The following ANKRD36C variants were observed in gnomAD, a reference collection of about 807,000 sequenced individuals.
ANKRD36C encodes the protein ankyrin repeat domain-containing protein 36C.
In ANKRD36C, 61 loss-of-function variants were observed where a neutral mutation model predicts 276.4. The observed-to-expected ratio is 0.22, with a 90% CI of 0.18 to 0.27. The LOEUF (loss-of-function observed/expected upper bound fraction) is 0.27. Ranked by LOEUF, ANKRD36C falls within the 10% of genes least tolerant of loss-of-function variation. ANKRD36C has a pLI of 1.00. For synonymous variants in ANKRD36C, 483 were observed against 680.1 expected (o/e 0.71, Z 4.51); for missense variants, 1,447 against 2,032.3 (o/e 0.71, Z 5.54).
chr2:95,927,416 A>G lies in ANKRD36C; in HGVS notation c.1838-7T>C. On this transcript the variant is annotated splice_polypyrimidine_tract_variant and splice_region_variant and intron_variant, in intron 26 of 66. Transcript: ENST00000456556. Reference sequence around the variant, plus strand: ...GGTTGTTTCTGAGAAGACACTGAAAAGCAAAAGGGATACATAATCACTCAC... The same window carrying G: ...GGTTGTTTCTGAGAAGACACTGAAAGGCAAAAGGGATACATAATCACTCAC... 1.2e-6 allele frequency: 2 copies of G among 1,606,042 alleles called. No homozygotes were observed. Among genetic ancestry groups the G allele is most frequent in the Non-Finnish European group, 1.7e-6 (2 of 1,177,630 alleles).
intron 42 of ANKRD36C, among the ~76,000 whole-genome samples, chr2:95,911,047 GTTGAACTTAC>G (rs1172611208): frequency 6.6e-6 from 1 of 151,480 alleles, no homozygotes; most frequent in Non-Finnish European, 1.5e-5. Context: ...CGATACTTCA[GTTGAACTTAC>G]ACTTCACATC....
At chr2:95,891,017 A>C (rs1390362733) in intron 46 of ANKRD36C, among the ~76,000 whole-genome samples, 1 of 151,490 alleles carries the variant, frequency 6.6e-6, no homozygotes, top group African/African-American at 2.4e-5. Context: ...AAGAGGAGTA[A>C]TGAGTCAGTG....
intron 24 of ANKRD36C, among the ~76,000 whole-genome samples, chr2:95,932,851 CATGCCA>C: frequency 6.6e-6 from 1 of 152,430 alleles, no homozygotes; most frequent in East Asian, 1.9e-4. Flanking sequence ...AGTCTTTGCC[CATGCCA>C]ATGTCCTGAA....
intron 3 of ANKRD36C, 187 bp downstream of exon 3, chr2:95,986,564 G>A (rs888530027): frequency 1.3e-6 from 1 of 747,600 alleles, no homozygotes; most frequent in African/African-American, 1.8e-5. Context: ...AAAAATAGCT[G>A]TTCCTTATAA....
intron 50 of ANKRD36C, among the ~76,000 whole-genome samples, chr2:95,887,560 T>C (rs2104338998): frequency 6.6e-6 from 1 of 151,834 alleles, no homozygotes; most frequent in Admixed American, 6.6e-5. Context: ...CTGTCTTTTT[T>C]ATAGCAGTAT....
At chr2:95,978,430 T>C (rs1678855988) in intron 5 of ANKRD36C, among the ~76,000 whole-genome samples, 1 of 152,068 alleles carries the variant, frequency 6.6e-6, no homozygotes, top group Non-Finnish European at 1.5e-5. Flanking sequence ...CTTGACACAA[T>C]GGAAAGTCAC....
At chr2:95,929,288 A>C in intron 24 of ANKRD36C, 21 bp from the exon 25 acceptor site, 3 of 1,589,790 alleles carry the variant, frequency 1.9e-6, no homozygotes, top group Non-Finnish European at 2.6e-6. Flanking sequence ...AAAGGGATAC[A>C]TAATCAATCA....
intron 46 of ANKRD36C, among the ~76,000 whole-genome samples, chr2:95,891,387 G>A (rs1299283135): frequency 6.6e-6 from 1 of 151,384 alleles, no homozygotes; most frequent in Non-Finnish European, 1.5e-5. Context: ...GAGAATTAAA[G>A]CAAAATTATG....
intron 16 of ANKRD36C, among the ~76,000 whole-genome samples, chr2:95,950,452 G>A (rs1425564186): frequency 6.6e-5 from 10 of 151,452 alleles, no homozygotes; most frequent in African/African-American, 2.5e-4. Context: ...ATGCTTAGGG[G>A]CAAATGAAGT....
intron 42 of ANKRD36C, among the ~76,000 whole-genome samples, chr2:95,911,367 T>C (rs1288452315): frequency 6.6e-6 from 1 of 151,504 alleles, no homozygotes; most frequent in Non-Finnish European, 1.5e-5. Context: ...TCATTGAAAA[T>C]GATCACTCTA....
intron 48 of ANKRD36C, 141 bp downstream of exon 68, chr2:95,889,658 A>G (rs1351919616): frequency 8.1e-7 from 1 of 1,234,010 alleles, no homozygotes; most frequent in African/African-American, 1.5e-5. Context: ...GGGTCACCTG[A>G]GAACTTATTA....
chr2:95,928,977 G>T (rs1396773238), intron 26 of ANKRD36C, 95 bp downstream of exon 26: 11 of 1,562,328 alleles, frequency 7.0e-6, no homozygotes, highest in Non-Finnish European at 9.5e-6. Context: ...ATCAGAACAT[G>T]CAGCTTAGAC....
chr2:95,981,016 T>C (rs1198640445), intron 4 of ANKRD36C, among the ~76,000 whole-genome samples: 1 of 152,072 alleles, frequency 6.6e-6, no homozygotes, highest in Non-Finnish European at 1.5e-5. Context: ...ATAAAGTTGC[T>C]AACTTAAAGT....
intron 32 of ANKRD36C, among the ~76,000 whole-genome samples, chr2:95,922,044 A>G (rs540150325): frequency 6.6e-6 from 1 of 151,776 alleles, no homozygotes; most frequent in South Asian, 2.1e-4. Context: ...CGTATATCTA[A>G]AAGAAAAATA....
intron 41 of ANKRD36C, 35 bp from the exon 44 acceptor site, chr2:95,912,351 T>G: frequency 6.2e-7 from 1 of 1,600,992 alleles, no homozygotes; most frequent in Non-Finnish European, 8.5e-7. Context: ...ATAAATAAGG[T>G]ATGTTTCATA....
chr2:95,943,328 A>G (rs2438951), intron 19 of ANKRD36C, among the ~76,000 whole-genome samples: 1 of 113,972 alleles, frequency 8.8e-6, no homozygotes, highest in African/African-American at 3.2e-5. Context: ...CTAAAAATAT[A>G]AAAAAAATTA....
chr2:95,944,156 T>A lies in ANKRD36C; in HGVS notation c.1491+471A>T, dbSNP rs368534806. Among the ~76,000 whole-genome samples, 19 of 152,340 alleles carry A rather than the reference T, an allele frequency of 1.2e-4. No homozygotes were observed. The East Asian group carries it at 3.7e-3, about 29-fold the overall frequency. On this transcript the variant is annotated intron_variant, in intron 19 of 66. Transcript: ENST00000456556. ...TTTAAAATAATTCTATAATATGATATGGAGACATTCTACTGTCATTTAAAT... is the reference window on the plus strand; with the variant it reads ...TTTAAAATAATTCTATAATATGATAAGGAGACATTCTACTGTCATTTAAAT...
intron 13 of ANKRD36C, among the ~76,000 whole-genome samples, chr2:95,954,850 C>G (rs2104493026): frequency 6.6e-6 from 1 of 152,246 alleles, no homozygotes; most frequent in East Asian, 1.9e-4. Flanking sequence ...ATCTAAATAT[C>G]TTCCTCCCTA....
chr2:95,917,764 C>G, intron 36 of ANKRD36C, 91 bp downstream of exon 38: 4 of 1,478,294 alleles, frequency 2.7e-6, no homozygotes, highest in Non-Finnish European at 3.6e-6. Context: ...TTGGCGAGCA[C>G]CCCCAACCGC....
Sources: allele counts gnomAD v4.1 joint callset (sites outside exome capture counted in the v4.1 genomes callset), GRCh38; gene constraint gnomAD v4.1.1; transcripts MANE v1.5; gene names NCBI Gene and HGNC (gene_info 2026-07-23, HGNC 2026-07-21).